The following NMNAT2 variants were observed in gnomAD, a reference collection of about 807,000 sequenced individuals.
NMNAT2 encodes nicotinamide nucleotide adenylyltransferase 2.
In NMNAT2, 11 loss-of-function variants were observed where a neutral mutation model predicts 41.6. That is an observed-to-expected ratio of 0.26 (90% CI 0.17 to 0.44). NMNAT2 has a LOEUF of 0.44. NMNAT2 is among the 20% of genes least tolerant of loss of function. The probability of loss-of-function intolerance (pLI) is 1.00; values close to 1 mark genes in which losing one functional copy is unlikely to be tolerated. For synonymous variants in NMNAT2, 148 were observed against 151.2 expected, an observed-to-expected ratio of 0.98 and a Z score of 0.16; for missense variants, 288 against 407.7, an observed-to-expected ratio of 0.71 and a Z score of 2.53.
chr1:183,254,846 T>C (rs992555377), intron 10 of NMNAT2, among the ~76,000 whole-genome samples: 1 of 152,230 alleles, frequency 6.6e-6, no homozygotes, highest in Non-Finnish European at 1.5e-5. Context: ...TTTGAAAATA[T>C]TTTTTCTCAA....
At chr1:183,375,957 A>G (rs529613024) in intron 1 of NMNAT2, among the ~76,000 whole-genome samples, 2 of 152,280 alleles carry the variant, frequency 1.3e-5, no homozygotes, top group African/African-American at 4.8e-5. Flanking sequence ...TATCTTTTTC[A>G]TCTCCCACCA....
chr1:183,325,164 T>A (rs1662435980), intron 1 of NMNAT2, among the ~76,000 whole-genome samples: 1 of 152,168 alleles, frequency 6.6e-6, no homozygotes. Context: ...GGAAGTGAAT[T>A]TAGCCCAGCC....
At chr1:183,407,379 C>T (rs1354367858) in intron 1 of NMNAT2, among the ~76,000 whole-genome samples, 2 of 152,034 alleles carry the variant, frequency 1.3e-5, no homozygotes. Flanking sequence ...GCTGTCTGTC[C>T]TGTTTTTTTT....
At chr1:183,331,115 C>G (rs1662573399) in intron 1 of NMNAT2, among the ~76,000 whole-genome samples, 1 of 152,060 alleles carries the variant, frequency 6.6e-6, no homozygotes, top group South Asian at 2.1e-4. Flanking sequence ...AGCTGGGAGC[C>G]CCTGCAAATG....
At chr1:183,312,217 A>G (rs1207716802) in intron 1 of NMNAT2, among the ~76,000 whole-genome samples, 1 of 152,064 alleles carries the variant, frequency 6.6e-6, no homozygotes, top group Non-Finnish European at 1.5e-5. Context: ...TTTGGTAGGC[A>G]CATTAGTCAC....
rs267598227 is a variant in NMNAT2 at position 183,286,787 on chromosome 1, C to G, written c.323G>C (p.Arg108Thr). The change falls in exon 5 of 11, where the codon AGG becomes ACG. Residue 108 changes from arginine to threonine, a missense_variant and splice_region_variant. This residue lies in a region of NMNAT2 where 100 missense variants were observed against 168.5 expected (regional missense o/e 0.59). Transcript: ENST00000287713. ...ATTGGAGAGGATGCAGCCAGTCACC[C>G]TCTAGGGAGAGAGAGAAGAGTGTTA... ...VLEHHRDLMK[R>T]VTGCILSNVN... 2 of 1,608,898 alleles carry G rather than the reference C, an allele frequency of 1.2e-6. No homozygotes were observed. The highest frequency in any genetic ancestry group is 1.7e-6 in the Non-Finnish European group (2 of 1,177,888).
In NMNAT2 at chr1:183,286,708, G is replaced by A. The variant is rs1661407952; in HGVS notation, c.402C>T (p.Pro134=). 3 of 1,612,646 alleles carry A rather than the reference G, an allele frequency of 1.9e-6. No individual in the cohort carries two copies. The highest frequency in any genetic ancestry group is 2.2e-5 in the East Asian group (1 of 44,842). Residue 134 remains proline (P), a synonymous_variant, in exon 5 of 11, where the codon CCC becomes CCT. Transcript: ENST00000287713. The part of the protein sequence containing the change: ...PVIGQPQNET[P]QPIYQNSNVA... ...CGTTGCTGTTCTGGTAAATGGGCTGGGGGGTCTCGTTTTGTGGCTGTCCGA... is the reference window on the plus strand; with the variant it reads ...CGTTGCTGTTCTGGTAAATGGGCTGAGGGGTCTCGTTTTGTGGCTGTCCGA...
At chr1:183,385,733 A>G (rs1231060182) in intron 1 of NMNAT2, among the ~76,000 whole-genome samples, 2 of 152,206 alleles carry the variant, frequency 1.3e-5, no homozygotes, top group Non-Finnish European at 2.9e-5. Flanking sequence ...ATGTGTGTAC[A>G]TAGCTGGAAT....
intron 8 of NMNAT2, among the ~76,000 whole-genome samples, chr1:183,271,444 C>T (rs1660986789): frequency 6.6e-6 from 1 of 152,202 alleles, no homozygotes; most frequent in African/African-American, 2.4e-5. Context: ...CACCCCCTCC[C>T]ACAGAAAGCA....
At position 183,252,611 on chromosome 1, in the gene NMNAT2, G is replaced by A; in HGVS notation, c.*30C>T. ...ACAGGGGGCTGACAAAGATGGAGGG[G>A]CCATTGTGTTGCCGGAGGACGAGGG... On this transcript the variant is annotated 3_prime_UTR_variant, in exon 11 of 11. Transcript: ENST00000287713. 6 of 1,413,390 alleles carry A rather than the reference G, an allele frequency of 4.2e-6. No homozygotes were observed. Among genetic ancestry groups the A allele is most frequent in the Non-Finnish European group, 6.0e-6 (6 of 996,596 alleles). The allele number at this position is 1,413,390 out of a possible 1,614,324, so 87.6% of individuals were successfully genotyped here. A position where few individuals can be genotyped will look rare whatever the true frequency, so the allele number is the denominator to read the frequency against.
At chr1:183,264,299 G>C (rs1369417963) in intron 8 of NMNAT2, among the ~76,000 whole-genome samples, 1 of 152,044 alleles carries the variant, frequency 6.6e-6, no homozygotes, top group Non-Finnish European at 1.5e-5. Context: ...CAGTGCAGCT[G>C]CTGCTCTCCA....
intron 8 of NMNAT2, among the ~76,000 whole-genome samples, chr1:183,269,859 T>C (rs928495962): frequency 6.6e-6 from 1 of 152,344 alleles, no homozygotes; most frequent in Middle Eastern, 3.4e-3. Context: ...GATCCACTTT[T>C]AAGACTCATA....
Position 183,252,143 on chromosome 1 carries a change from G to A in NMNAT2, c.*498C>T, listed in dbSNP as rs183525945. 1.3e-5 allele frequency: 2 copies of A among 156,288 alleles called. No homozygotes were observed. The highest frequency in any genetic ancestry group is 6.3e-5 in the Admixed American group (1 of 15,960). 9.7% of individuals were successfully genotyped at this position (156,288 alleles called of 1,614,324 possible). ...CCAAGTTCTACAGGGAGTGAACAAA[G>A]AAAAATAAATAAACAAAAGAAAGAA... On this transcript the variant is annotated 3_prime_UTR_variant, in exon 11 of 11. Transcript: ENST00000287713.
intron 1 of NMNAT2, among the ~76,000 whole-genome samples, chr1:183,405,654 G>A (rs1648935756): frequency 6.6e-6 from 1 of 152,212 alleles, no homozygotes; most frequent in African/African-American, 2.4e-5. Context: ...GAGTTGACTG[G>A]AGCTTTCAAC....
chr1:183,346,147 A>G (rs1662923918), intron 1 of NMNAT2, among the ~76,000 whole-genome samples: 1 of 152,080 alleles, frequency 6.6e-6, no homozygotes, highest in Non-Finnish European at 1.5e-5. Context: ...CTCGCCTTTC[A>G]GCTGGACTGT....
chr1:183,329,739 G>A (rs1662540822), intron 1 of NMNAT2, among the ~76,000 whole-genome samples: 1 of 152,156 alleles, frequency 6.6e-6, no homozygotes, highest in Non-Finnish European at 1.5e-5. Context: ...AGATCCAGGA[G>A]CCTGCAGAGA....
chr1:183,417,293 C>A (rs1341900874), intron 1 of NMNAT2, among the ~76,000 whole-genome samples: 1 of 152,176 alleles, frequency 6.6e-6, no homozygotes, highest in Non-Finnish European at 1.5e-5. Context: ...TGACTCCACG[C>A]CCCAAAGCTT....
At chr1:183,258,787 C>G (rs779622820) in intron 10 of NMNAT2, among the ~76,000 whole-genome samples, 4 of 151,958 alleles carry the variant, frequency 2.6e-5, no homozygotes, top group Non-Finnish European at 4.4e-5. Context: ...GAATTTGCGG[C>G]CCCCCACCCA....
chr1:183,412,074 G>T (rs1428355102), intron 1 of NMNAT2, among the ~76,000 whole-genome samples: 1 of 152,198 alleles, frequency 6.6e-6, no homozygotes, highest in African/African-American at 2.4e-5. Flanking sequence ...GGAGGTGGGG[G>T]GCAGAGTGGC....
Sources: allele counts gnomAD v4.1 joint callset (sites outside exome capture counted in the v4.1 genomes callset), GRCh38; gene constraint gnomAD v4.1.1; regional missense constraint gnomAD v4.1.1; transcripts MANE v1.5; gene names NCBI Gene and HGNC (gene_info 2026-07-23, HGNC 2026-07-21).